SPCS3: variants seen among roughly 807,000 people sequenced by gnomAD.
SPCS3 encodes SPase 22 kDa subunit.
A neutral mutation model predicts 17.2 loss-of-function variants in SPCS3; 9 were observed. The ratio of observed to expected loss-of-function variants is 0.52; its 90% CI spans 0.31 to 0.91. SPCS3 has a LOEUF of 0.91. SPCS3 is among the 40% of genes least tolerant of loss of function. The pLI is 0.04. For missense variants in SPCS3, 139 were observed against 217.5 expected, an observed-to-expected ratio of 0.64 and a Z score of 2.27; for synonymous variants, 87 against 89.6, an observed-to-expected ratio of 0.97 and a Z score of 0.16.
intron 3 of SPCS3, 54 bp from the exon 4 acceptor site, chr4:176,327,108 G>A (rs1731617483): frequency 1.9e-6 from 2 of 1,040,532 alleles, no homozygotes; most frequent in African/African-American, 3.3e-5. Context: ...TTAATTTGAA[G>A]TGATAAGATG....
intron 2 of SPCS3, among the ~76,000 whole-genome samples, 163 bp from the exon 3 acceptor site, chr4:176,324,018 T>G (rs1319686462): frequency 6.6e-6 from 1 of 152,172 alleles, no homozygotes; most frequent in African/African-American, 2.4e-5. Flanking sequence ...CACAATGTAT[T>G]TATCTTCTGC....
chr4:176,322,628 A>G (rs1731553395), intron 2 of SPCS3, among the ~76,000 whole-genome samples: 1 of 151,550 alleles, frequency 6.6e-6, no homozygotes, highest in Non-Finnish European at 1.5e-5. Context: ...TCCATATTTT[A>G]TTATAGCAGA....
rs1013887838 is a variant in SPCS3 at position 176,331,442 on chromosome 4, C to T, written c.*3112C>T. ...AAGCCTGTATATGTTACATGTGTGA[C>T]TTTCAGTAGTTTAAAGAGATGTTTC... is the stretch of plus-strand genomic sequence containing the variant. On this transcript the variant is annotated 3_prime_UTR_variant, in exon 5 of 5. Coordinates refer to ENST00000503362, the MANE Select transcript of SPCS3 (RefSeq NM_021928.4). 2.0e-5 allele frequency: 3 copies of T among 151,968 alleles called. No homozygotes were observed. Among genetic ancestry groups the T allele is most frequent in the Non-Finnish European group, 4.4e-5 (3 of 68,000 alleles). 9.4% of individuals were successfully genotyped at this position (151,968 alleles called of 1,614,324 possible). A position where few individuals can be genotyped will look rare whatever the true frequency, so the allele number is the denominator to read the frequency against.
chr4:176,324,275 G>C lies in SPCS3; in HGVS notation c.294+18G>C. ...AAAATAATGTAAGTATATCTAATTA[G>C]AAGTATTTTAATAGCTATTTAAAGT... is the stretch of plus-strand genomic sequence containing the variant. On this transcript the variant is annotated intron_variant, in intron 3 of 4. Transcript: ENST00000503362. The C allele has an allele frequency of 9.6e-7, 1 of 1,046,434 alleles. No homozygotes were observed. 64.8% of individuals were successfully genotyped at this position (1,046,434 alleles called of 1,614,324 possible).
chr4:176,321,910 C>A (rs963579704), intron 1 of SPCS3: 5 of 281,614 alleles, frequency 1.8e-5, no homozygotes, highest in Non-Finnish European at 2.7e-5. Context: ...ATTTACTATT[C>A]TTTTTAGCAG....
chr4:176,320,775 C>G (rs551547233), intron 1 of SPCS3: 269 of 152,442 alleles, frequency 1.8e-3, no homozygotes, highest in African/African-American at 6.3e-3. Context: ...GCCTTTGCAC[C>G]TTCAGAAGGC....
At position 176,329,738 on chromosome 4, in the gene SPCS3, A is replaced by G. The variant is rs921324199; in HGVS notation, c.*1408A>G. 2 of 152,122 alleles carry G rather than the reference A, an allele frequency of 1.3e-5. No homozygotes were observed. The highest frequency in any genetic ancestry group is 2.9e-5 in the Non-Finnish European group (2 of 67,990). The allele number at this position is 152,122 out of a possible 1,614,324, so 9.4% of individuals were successfully genotyped here. A position where few individuals can be genotyped will look rare whatever the true frequency, so the allele number is the denominator to read the frequency against. ...ACAAATAAACATCCTCAAAGTAGCA[A>G]CTGCAAATCAGTTACCCTTAGAAAA... On this transcript the variant is annotated 3_prime_UTR_variant, in exon 5 of 5. Coordinates refer to ENST00000503362, the MANE Select transcript of SPCS3 (RefSeq NM_021928.4).
At position 176,331,271 on chromosome 4, in the gene SPCS3, T is replaced by C. The variant is rs1371848920; in HGVS notation, c.*2941T>C. On this transcript the variant is annotated 3_prime_UTR_variant, in exon 5 of 5. Coordinates refer to ENST00000503362, the MANE Select transcript of SPCS3 (RefSeq NM_021928.4). ...GCTTAGAGATCTAGAGCTTTGGATC[T>C]TTCGGGTATATGTCAATGGAGGTAT... 1 of 152,168 alleles carries C rather than the reference T, an allele frequency of 6.6e-6. No homozygotes were observed. The highest frequency in any genetic ancestry group is 1.5e-5 in the Non-Finnish European group (1 of 68,028). The allele number at this position is 152,168 out of a possible 1,614,324, so 9.4% of individuals were successfully genotyped here.
chr4:176,327,128 A>T (rs1731617793), intron 3 of SPCS3, 34 bp from the exon 4 acceptor site: 1 of 1,243,342 alleles, frequency 8.0e-7, no homozygotes. Context: ...GGTATTTCTG[A>T]TGAGTTATCT....
intron 3 of SPCS3, 84 bp from the exon 4 acceptor site, chr4:176,327,078 C>T: frequency 2.6e-6 from 2 of 762,754 alleles, no homozygotes; most frequent in South Asian, 1.9e-5. Flanking sequence ...ACATGTCAAA[C>T]TATTTGCTTA....
At position 176,327,297 on chromosome 4, in the gene SPCS3, T is replaced by G; in HGVS notation, c.410+20T>G. The G allele has an allele frequency of 7.3e-7, 1 of 1,371,888 alleles. No homozygotes were observed. The highest frequency in any genetic ancestry group is 9.9e-7 in the Non-Finnish European group (1 of 1,010,784). 85.0% of individuals were successfully genotyped at this position (1,371,888 alleles called of 1,614,324 possible). On this transcript the variant is annotated intron_variant, in intron 4 of 4. Coordinates refer to ENST00000503362, the MANE Select transcript of SPCS3 (RefSeq NM_021928.4). Reference sequence around the variant, plus strand: ...TCTCAAGTGAGCAATTCTTGGTCATTTTTTTACATTTAATAAGAGGTGAAA... The same window carrying G: ...TCTCAAGTGAGCAATTCTTGGTCATGTTTTTACATTTAATAAGAGGTGAAA...
intron 3 of SPCS3, 82 bp from the exon 4 acceptor site, chr4:176,327,080 A>G (rs1731617186): frequency 1.3e-6 from 1 of 780,134 alleles, no homozygotes; most frequent in Non-Finnish European, 2.0e-6. Flanking sequence ...ATGTCAAACT[A>G]TTTGCTTACT....
chr4:176,328,091 G>A (rs1362937747), intron 4 of SPCS3, 107 bp from the exon 5 acceptor site: 1 of 1,018,374 alleles, frequency 9.8e-7, no homozygotes, highest in Non-Finnish European at 1.4e-6. Flanking sequence ...TTTCTGTTAG[G>A]AATAGATGGT....
intron 2 of SPCS3, 22 bp downstream of exon 2, chr4:176,322,265 C>A (rs368327373): frequency 6.6e-7 from 1 of 1,507,254 alleles, no homozygotes; most frequent in Admixed American, 1.7e-5. Flanking sequence ...GAAAATATTT[C>A]GTTGCGTTTT....
intron 3 of SPCS3, among the ~76,000 whole-genome samples, chr4:176,325,561 TAAA>T (rs71597446): frequency 6.6e-5 from 9 of 137,314 alleles, no homozygotes; most frequent in African/African-American, 8.1e-5. Context: ...TACCTTTCTT[TAAA>T]AAAAAAAAAA....
Position 176,322,199 on chromosome 4 carries a change from GAGAA to G in SPCS3, c.178_181del (p.Arg60ValfsTer10). 1 of 1,607,574 alleles carries G rather than the reference GAGAA, an allele frequency of 6.2e-7. No individual in the cohort carries two copies. The highest frequency in any genetic ancestry group is 8.5e-7 in the Non-Finnish European group (1 of 1,174,632). Reference sequence around the variant, plus strand: ...AATGTAGAAGATTTCACTGGACCTAGAGAAAGAAGTGATCTGGGATTTATCACAT... The same window carrying G: ...AATGTAGAAGATTTCACTGGACCTAGAGAAGTGATCTGGGATTTATCACAT... On this transcript the variant is annotated frameshift_variant, in exon 2 of 5. Coordinates refer to ENST00000503362, the MANE Select transcript of SPCS3 (RefSeq NM_021928.4). LOFTEE classifies it high-confidence loss of function.
rs903378175 is a variant in SPCS3, at chr4:176,319,992, G to A, written c.-85G>A. 38 of 1,356,416 alleles carry A rather than the reference G, an allele frequency of 2.8e-5. No homozygotes were observed. Among genetic ancestry groups the A allele is most frequent in the Admixed American group, 9.0e-5 (3 of 33,190 alleles). The allele number at this position is 1,356,416 out of a possible 1,614,324, so 84.0% of individuals were successfully genotyped here. On this transcript the variant is annotated 5_prime_UTR_variant, in exon 1 of 5. Coordinates refer to ENST00000503362, the MANE Select transcript of SPCS3 (RefSeq NM_021928.4). ...CTCCCGGAACGCGCGCACCGCAGAC[G>A]GCGCGGATCGCAGGGAGCCGGTCCG...
Position 176,322,006 on chromosome 4 carries a change from G to A in SPCS3, c.144-164G>A, listed in dbSNP as rs1731545022. 1.0e-5 allele frequency: 5 copies of A among 476,684 alleles called. No individual in the cohort carries two copies. The South Asian group carries it at 1.3e-4, about 12-fold the overall frequency. The allele number at this position is 476,684 out of a possible 1,614,324, so 29.5% of individuals were successfully genotyped here. A position where few individuals can be genotyped will look rare whatever the true frequency, so the allele number is the denominator to read the frequency against. ...ACCTACTTTAATATTGGATTAGAAT[G>A]TTTCTCCTGTTTTCACACTTACAGG... is the stretch of plus-strand genomic sequence containing the variant. On this transcript the variant is annotated intron_variant, in intron 1 of 4. Transcript: ENST00000503362.
chr4:176,327,034 A>G, intron 3 of SPCS3, 128 bp from the exon 4 acceptor site: 1 of 573,342 alleles, frequency 1.7e-6, no homozygotes, highest in Non-Finnish European at 3.0e-6. Context: ...GTATGCATTA[A>G]GATTTCAGCA....
Sources: allele counts gnomAD v4.1 joint callset (sites outside exome capture counted in the v4.1 genomes callset), GRCh38; gene constraint gnomAD v4.1.1; transcripts MANE v1.5; gene names NCBI Gene and HGNC (gene_info 2026-07-23, HGNC 2026-07-21).